USP31: variants seen among roughly 807,000 people sequenced by gnomAD.
USP31 encodes the protein ubiquitin specific peptidase 31.
Under a neutral mutation model 119.4 loss-of-function variants are expected in USP31, and 44 were observed. That is an observed-to-expected ratio of 0.37 (90% confidence interval 0.29 to 0.47). The LOEUF (loss-of-function observed/expected upper bound fraction) is 0.47, where lower values mean the gene tolerates loss of function less well. USP31 is among the 20% of genes least tolerant of loss of function. The probability of loss-of-function intolerance (pLI) is 0.99; values close to 1 mark genes in which losing one functional copy is unlikely to be tolerated. For missense variants in USP31, 1,643 were observed against 1,730.2 expected, an observed-to-expected ratio of 0.95 and a Z score of 0.89; for synonymous variants, 749 against 705.6, an observed-to-expected ratio of 1.06 and a Z score of -0.97.
Position 23,087,145 on chromosome 16 carries a change from T to G in USP31, c.1569A>C (p.Ile523=). ...GCTCCTCCTGGGGCAGCAAATATGTTATTCCAACAACACTGACCACACGCA... is the reference window on the plus strand; with the variant it reads ...GCTCCTCCTGGGGCAGCAAATATGTGATTCCAACAACACTGACCACACGCA... ...FSLRVVSVVG[I]TYLLPQEEQP... Residue 523 remains isoleucine, a synonymous_variant, in exon 9 of 16, where the codon ATA becomes ATC. Transcript: ENST00000219689. 1 of 1,613,894 alleles carries G rather than the reference T, an allele frequency of 6.2e-7. No individual in the cohort carries two copies. Among genetic ancestry groups the G allele is most frequent in the South Asian group, 1.1e-5 (1 of 91,036 alleles).
chr16:23,075,575 A>T (rs889945520), intron 13 of USP31, among the ~76,000 whole-genome samples: 3 of 152,212 alleles, frequency 2.0e-5, no homozygotes, highest in Non-Finnish European at 4.4e-5. Flanking sequence ...AAAAGCATTT[A>T]AAAAACTTTT....
intron 2 of USP31, among the ~76,000 whole-genome samples, chr16:23,107,404 C>T (rs919073103): frequency 8.5e-5 from 13 of 152,102 alleles, no homozygotes; most frequent in Non-Finnish European, 1.6e-4. Flanking sequence ...AGTGTTCAGG[C>T]ACAAAAGGAC....
intron 4 of USP31, among the ~76,000 whole-genome samples, chr16:23,105,962 C>G (rs999677994): frequency 6.6e-6 from 1 of 152,102 alleles, no homozygotes; most frequent in Non-Finnish European, 1.5e-5. Flanking sequence ...AGCCCCCGTC[C>G]CCCAACCCCG....
chr16:23,105,965 C>G (rs954405470), intron 4 of USP31, among the ~76,000 whole-genome samples: 1 of 152,134 alleles, frequency 6.6e-6, no homozygotes, highest in African/African-American at 2.4e-5. Context: ...CCCCGTCCCC[C>G]AACCCCGATA....
chr16:23,088,703 C>T (rs764868317), intron 7 of USP31, among the ~76,000 whole-genome samples: 1 of 152,220 alleles, frequency 6.6e-6, no homozygotes, highest in Non-Finnish European at 1.5e-5. Flanking sequence ...TTCCAGGAGG[C>T]ACCCTGTTGG....
At position 23,066,869 on chromosome 16, in the gene USP31, A is replaced by G. The variant is rs976296112; in HGVS notation, c.*1177T>C. The G allele has an allele frequency of 7.2e-5, 11 of 152,246 alleles. No individual in the cohort carries two copies. The highest frequency in any genetic ancestry group is 2.7e-4 in the African/African-American group (11 of 41,464). 9.4% of individuals were successfully genotyped at this position (152,246 alleles called of 1,614,324 possible). ...GGGCATGAGATGAAATCTTAAGAAC[A>G]AAGAAGAAATAATAAATGAGTTACT... On this transcript the variant is annotated 3_prime_UTR_variant, in exon 16 of 16. Transcript: ENST00000219689.
chr16:23,096,901 A>G (rs1567234333), intron 6 of USP31, among the ~76,000 whole-genome samples: 1 of 152,226 alleles, frequency 6.6e-6, no homozygotes, highest in Non-Finnish European at 1.5e-5. Flanking sequence ...AAAGATTTAA[A>G]ATCAACACCT....
chr16:23,061,906 G>A lies in USP31; in HGVS notation c.*6140C>T, dbSNP rs1322554796. 2 of 152,664 alleles carry A rather than the reference G, an allele frequency of 1.3e-5. No homozygotes were observed. Among genetic ancestry groups the A allele is most frequent in the East Asian group, 3.8e-4 (2 of 5,202 alleles). 9.5% of individuals were successfully genotyped at this position (152,664 alleles called of 1,614,324 possible). Reference sequence around the variant, plus strand: ...TGGTGAGAGGCACAGTTGGTGAGCAGACCTCTATGGAATGCAAACACGTAT... The same window carrying A: ...TGGTGAGAGGCACAGTTGGTGAGCAAACCTCTATGGAATGCAAACACGTAT... On this transcript the variant is annotated 3_prime_UTR_variant, in exon 16 of 16. Coordinates refer to ENST00000219689, the MANE Select transcript of USP31 (RefSeq NM_020718.4).
Position 23,148,847 on chromosome 16 carries a change from T to C in USP31, c.424A>G (p.Thr142Ala), listed in dbSNP as rs752471009. ...NHGNTCFMNA[T>A]LQCLSNTELF... is the part of the protein sequence containing the mutation. ...TCGGTGTTGCTGAGGCACTGCAGCG[T>C]GGCGTTCATGAAGCACGTGTTGCCG... The change falls in exon 1 of 16, where the codon ACG (threonine) becomes GCG (alanine). Residue 142 changes from threonine to alanine, a missense_variant. Thr to Ala is a moderately conservative substitution (Grantham distance 58). Around this residue, in one of 5 missense-constraint regions of USP31, gnomAD observed 302 missense variants for 262.6 expected, o/e 1.15. Coordinates refer to ENST00000219689, the MANE Select transcript of USP31 (RefSeq NM_020718.4). The C allele has an allele frequency of 8.8e-5, 134 of 1,528,060 alleles. 1 individual carries two copies. The highest frequency in any genetic ancestry group is 9.7e-6 in the Non-Finnish European group (11 of 1,138,830). 94.7% of individuals were successfully genotyped at this position (1,528,060 alleles called of 1,614,324 possible).
chr16:23,124,557 T>A (rs1902785573), intron 1 of USP31, among the ~76,000 whole-genome samples: 2 of 152,108 alleles, frequency 1.3e-5, no homozygotes, highest in Non-Finnish European at 2.9e-5. Flanking sequence ...TATAAATAAA[T>A]ACCACCTCTT....
In USP31 at chr16:23,089,898, T is replaced by G. The variant is rs575646016; in HGVS notation, c.1415+726A>C. Among the ~76,000 whole-genome samples the G allele has an allele frequency of 2.0e-5, 3 of 152,228 alleles. No individual in the cohort carries two copies. In the South Asian group the frequency reaches 6.2e-4, roughly 32 times the overall value. ...AAAAGGAAAGAAAATTTGGACATAC[T>G]TCAATTCAACTTGGGACATAAGACA... On this transcript the variant is annotated intron_variant, in intron 7 of 15. Transcript: ENST00000219689.
At chr16:23,089,382 C>T (rs547819754) in intron 7 of USP31, among the ~76,000 whole-genome samples, 10 of 152,256 alleles carry the variant, frequency 6.6e-5, no homozygotes, top group Admixed American at 2.6e-4. Context: ...AAGTTAAAGA[C>T]GTCTGCTTGT....
intron 11 of USP31, among the ~76,000 whole-genome samples, chr16:23,083,366 T>A (rs1900924709): frequency 6.6e-6 from 1 of 152,132 alleles, no homozygotes. Context: ...ACAAACAGCA[T>A]GAAGGCAAAA....
At chr16:23,107,108 G>A (rs572937280) in intron 2 of USP31, among the ~76,000 whole-genome samples, 110 of 147,346 alleles carry the variant, frequency 7.5e-4, no homozygotes, top group African/African-American at 2.7e-3. Flanking sequence ...GCGAAAGTCC[G>A]TCTCAAAAAA....
At chr16:23,093,083 A>C (rs1901440675) in intron 6 of USP31, among the ~76,000 whole-genome samples, 1 of 152,248 alleles carries the variant, frequency 6.6e-6, no homozygotes, top group Non-Finnish European at 1.5e-5. Context: ...TACAAAACTC[A>C]GAAGAAAACA....
At position 23,106,217 on chromosome 16, in the gene USP31, T is replaced by C. The variant is rs1445748339; in HGVS notation, c.949A>G (p.Thr317Ala). ...CISLPIPLPH[T>A]RPLYVTVVYQ... ...TTTTACTAAATCCATTCTTACCTTG[T>C]GTGGGGCAGAGGAATTGGCAAAGAA... Residue 317 changes from threonine (T) to alanine (A), a missense_variant, in exon 4 of 16, where the codon ACA becomes GCA. By Grantham distance (58) the Thr-to-Ala change is moderately conservative (BLOSUM62 0). Coordinates refer to ENST00000219689, the MANE Select transcript of USP31 (RefSeq NM_020718.4). The C allele has an allele frequency of 1.2e-6, 2 of 1,614,044 alleles. No individual in the cohort carries two copies. Among genetic ancestry groups the C allele is most frequent in the African/African-American group, 2.7e-5 (2 of 74,920 alleles).
At chr16:23,082,309 T>G in intron 12 of USP31, 129 bp downstream of exon 12, 3 of 1,279,454 alleles carry the variant, frequency 2.3e-6, no homozygotes, top group Non-Finnish European at 3.2e-6. Context: ...AAAGTGTGTC[T>G]ATAACATACA....
intron 7 of USP31, among the ~76,000 whole-genome samples, chr16:23,089,361 C>T (rs768683191): frequency 3.3e-5 from 5 of 152,122 alleles, no homozygotes; most frequent in Non-Finnish European, 5.9e-5. Context: ...CGACGTGGTA[C>T]GGACTGTCTG....
At chr16:23,084,627 T>C (rs1901011895) in intron 11 of USP31, among the ~76,000 whole-genome samples, 1 of 152,230 alleles carries the variant, frequency 6.6e-6, no homozygotes, top group South Asian at 2.1e-4. Flanking sequence ...TAAAAAGAAC[T>C]ATGAAGGTTC....
Sources: allele counts gnomAD v4.1 joint callset (sites outside exome capture counted in the v4.1 genomes callset), GRCh38; gene constraint gnomAD v4.1.1; regional missense constraint gnomAD v4.1.1; transcripts MANE v1.5; gene names NCBI Gene and HGNC (gene_info 2026-07-23, HGNC 2026-07-21).